TRPC4: variants seen among roughly 807,000 people sequenced by gnomAD.
The protein encoded by TRPC4 is short transient receptor potential channel 4.
In TRPC4, 49 loss-of-function variants were observed where a neutral mutation model predicts 99.4. The observed-to-expected ratio is 0.49, with a 90% confidence interval of 0.39 to 0.63. The LOEUF (loss-of-function observed/expected upper bound fraction) is 0.63, where lower values mean the gene tolerates loss of function less well. Among genes scored for constraint, TRPC4 ranks in the 20% least tolerant of loss-of-function variants. The probability of loss-of-function intolerance (pLI) is 0.00; values close to 1 mark genes in which losing one functional copy is unlikely to be tolerated. For missense variants in TRPC4, 898 were observed against 1,152.9 expected (o/e 0.78, Z 3.20); for synonymous variants, 454 against 425.9 (o/e 1.07, Z -0.81).
At chr13:37,838,127 C>T (rs1270782441) in intron 1 of TRPC4, among the ~76,000 whole-genome samples, 2 of 152,162 alleles carry the variant, frequency 1.3e-5, no homozygotes, top group Non-Finnish European at 2.9e-5. Flanking sequence ...GTAAATTGCC[C>T]AGTCTCAGAT....
At position 37,796,929 on chromosome 13, in the gene TRPC4, A is replaced by AAAAATAAATAAAATAAAATAAAATAAAAT. The variant is rs1957260985; in HGVS notation, c.-27-13570_-27-13569insATTTTATTTTATTTTATTTTATTTATTTT. 9.7e-5 allele frequency among the ~76,000 whole-genome samples: 4 copies of AAAAATAAATAAAATAAAATAAAATAAAAT among 41,200 alleles called. 1 individual carries two copies. In the South Asian group the frequency reaches 4.2e-3, roughly 43 times the overall value. The allele number at this position is 41,200 out of a possible 152,430, so 27.0% of individuals were successfully genotyped here. On this transcript the variant is annotated intron_variant, in intron 1 of 10. Coordinates refer to ENST00000379705, the MANE Select transcript of TRPC4 (RefSeq NM_016179.4). ...ACAACATAGCAAAACTCCTCTCTAC[A>AAAAATAAATAAAATAAAATAAAATAAAAT]AAAATAAAATAAAATAAAATAAAAT...
chr13:37,703,947 T>C (rs1223194485), intron 3 of TRPC4, among the ~76,000 whole-genome samples: 1 of 152,132 alleles, frequency 6.6e-6, no homozygotes, highest in Non-Finnish European at 1.5e-5. Context: ...AGCCTCAAAC[T>C]GGAACAAGCC....
intron 6 of TRPC4, among the ~76,000 whole-genome samples, chr13:37,660,630 T>A (rs892670449): frequency 6.6e-6 from 1 of 152,142 alleles, no homozygotes; most frequent in African/African-American, 2.4e-5. Context: ...TGAGAGATAA[T>A]CCTCTACCAT....
chr13:37,716,843 T>C (rs550808524), intron 3 of TRPC4, among the ~76,000 whole-genome samples: 7 of 152,330 alleles, frequency 4.6e-5, no homozygotes, highest in African/African-American at 1.7e-4. Flanking sequence ...TTTGTGAGTT[T>C]ATTTTCCTCA....
intron 1 of TRPC4, among the ~76,000 whole-genome samples, chr13:37,820,529 A>G (rs758705578): frequency 6.6e-6 from 1 of 152,120 alleles, no homozygotes. Context: ...TATAGATGCA[A>G]AAATTGTCAA....
intron 1 of TRPC4, among the ~76,000 whole-genome samples, chr13:37,842,438 A>G (rs943934951): frequency 1.3e-5 from 2 of 152,026 alleles, no homozygotes; most frequent in African/African-American, 4.8e-5. Context: ...CTTAAAAAGA[A>G]AAAGAAAGAG....
chr13:37,794,783 G>T (rs924811011), intron 1 of TRPC4, among the ~76,000 whole-genome samples: 1 of 152,030 alleles, frequency 6.6e-6, no homozygotes, highest in African/African-American at 2.4e-5. Flanking sequence ...CTATTGTTCT[G>T]CTTTGATACA....
intron 4 of TRPC4, among the ~76,000 whole-genome samples, chr13:37,686,932 T>C (rs1953500991): frequency 6.6e-6 from 1 of 152,136 alleles, no homozygotes; most frequent in Non-Finnish European, 1.5e-5. Context: ...GCTGTATTCA[T>C]ATGATAGCCT....
chr13:37,826,838 A>T (rs139922884), intron 1 of TRPC4, among the ~76,000 whole-genome samples: 3,785 of 152,208 alleles, frequency 0.025, 96 homozygotes, highest in African/African-American at 0.069. Context: ...AGATTGGGGA[A>T]GTTCTCCTGG....
intron 2 of TRPC4, among the ~76,000 whole-genome samples, chr13:37,754,815 C>G (rs1956055306): frequency 6.6e-6 from 1 of 152,080 alleles, no homozygotes; most frequent in African/African-American, 2.4e-5. Flanking sequence ...TGATAACACA[C>G]AGCATTAAAT....
intron 4 of TRPC4, among the ~76,000 whole-genome samples, chr13:37,683,579 C>G (rs1000773750): frequency 6.6e-6 from 1 of 152,094 alleles, no homozygotes; most frequent in Non-Finnish European, 1.5e-5. Context: ...TCTCAAAGAA[C>G]AGCCGTGCAC....
chr13:37,830,253 C>A (rs1288931877), intron 1 of TRPC4, among the ~76,000 whole-genome samples: 3 of 150,984 alleles, frequency 2.0e-5, no homozygotes, highest in Non-Finnish European at 4.4e-5. Context: ...GCTGGCTGCA[C>A]CATTAAAAAT....
intron 2 of TRPC4, among the ~76,000 whole-genome samples, chr13:37,765,763 C>T (rs1030394419): frequency 6.6e-6 from 1 of 151,318 alleles, no homozygotes. Flanking sequence ...TAGAAGATTG[C>T]ATAAGTGCTT....
intron 2 of TRPC4, among the ~76,000 whole-genome samples, chr13:37,767,983 T>C (rs1169329247): frequency 6.6e-6 from 1 of 151,460 alleles, no homozygotes; most frequent in Non-Finnish European, 1.5e-5. Flanking sequence ...GAAAAATAGT[T>C]TTATTTCAAA....
At chr13:37,775,253 C>A (rs1463845086) in intron 2 of TRPC4, among the ~76,000 whole-genome samples, 1 of 151,610 alleles carries the variant, frequency 6.6e-6, no homozygotes, top group African/African-American at 2.4e-5. Context: ...ATATAAAGTG[C>A]TTTAGGGTAA....
At chr13:37,713,781 T>C (rs1431935225) in intron 3 of TRPC4, among the ~76,000 whole-genome samples, 1 of 152,192 alleles carries the variant, frequency 6.6e-6, no homozygotes, top group East Asian at 1.9e-4. Flanking sequence ...AGTAGAGGAA[T>C]CACTTACTGA....
rs1046743556 is a variant in TRPC4 at position 37,634,944 on chromosome 13, C to A, written c.*1959G>T. On this transcript the variant is annotated 3_prime_UTR_variant, in exon 11 of 11. Transcript: ENST00000379705. The stretch of plus-strand genomic sequence containing the variant: ...GGCCCATTCCTAAATTCCCAAAAAC[C>A]AGGTTTAGGAGTGAACAGGGGCTTA... 1.3e-5 allele frequency among the ~76,000 whole-genome samples: 2 copies of A among 151,934 alleles called. No individual in the cohort carries two copies. Among genetic ancestry groups the A allele is most frequent in the African/African-American group, 4.8e-5 (2 of 41,380 alleles).
At chr13:37,777,748 TAAA>T (rs995780652) in intron 2 of TRPC4, among the ~76,000 whole-genome samples, 2 of 152,000 alleles carry the variant, frequency 1.3e-5, no homozygotes, top group Non-Finnish European at 2.9e-5. Context: ...TGATACCTTA[TAAA>T]AACACTTTTA....
chr13:37,646,583 C>A (rs1289976279), intron 8 of TRPC4, among the ~76,000 whole-genome samples: 1 of 152,056 alleles, frequency 6.6e-6, no homozygotes, highest in Non-Finnish European at 1.5e-5. Flanking sequence ...TGTACTCACA[C>A]GAATTAAAGA....
Sources: gnomAD v4.1 joint callset for allele counts (sites outside exome capture counted in the v4.1 genomes callset) on GRCh38, gnomAD v4.1.1 for gene constraint, MANE v1.5 for transcripts, NCBI Gene and HGNC (gene_info 2026-07-23, HGNC 2026-07-21) for gene names.